LRRC75A: variants seen among roughly 807,000 people sequenced by gnomAD.
LRRC75A encodes leucine rich repeat containing 75A.
In LRRC75A, 12 loss-of-function variants were observed where a neutral mutation model predicts 26.0. The observed-to-expected ratio is 0.46, with a 90% CI of 0.30 to 0.75. The LOEUF (loss-of-function observed/expected upper bound fraction) is 0.75, where lower values mean the gene tolerates loss of function less well. Among genes scored for constraint, LRRC75A ranks in the 30% least tolerant of loss-of-function variants. The pLI, the probability that LRRC75A is intolerant of heterozygous loss-of-function variation, is 0.08. For missense variants in LRRC75A, 410 were observed against 486.6 expected (o/e 0.84, Z 1.48); for synonymous variants, 223 against 219.3 (o/e 1.02, Z -0.15).
At position 16,491,681 on chromosome 17, in the gene LRRC75A, G is replaced by GCCCCCCCCCCCCCCCCCCCC; in HGVS notation, c.246+63_246+64insGGGGGGGGGGGGGGGGGGGG. On this transcript the variant is annotated intron_variant, in intron 1 of 3. Transcript: ENST00000470794. The surrounding 1 kb of genome is among the most constrained non-coding windows in gnomAD (Gnocchi z 5.9). Reference sequence around the variant, plus strand: ...CGGCTTCCTCGGTTAGGGATGGGGCGCCCCCCCCGGCCCAGCACGCCCCCT... The same window carrying GCCCCCCCCCCCCCCCCCCCC: ...CGGCTTCCTCGGTTAGGGATGGGGCGCCCCCCCCCCCCCCCCCCCCCCCCCCCCGGCCCAGCACGCCCCCT... The GCCCCCCCCCCCCCCCCCCCC allele has an allele frequency of 8.7e-7, 1 of 1,151,278 alleles. No homozygotes were observed. Among genetic ancestry groups the GCCCCCCCCCCCCCCCCCCCC allele is most frequent in the Non-Finnish European group, 1.1e-6 (1 of 908,528 alleles). 71.3% of individuals were successfully genotyped at this position (1,151,278 alleles called of 1,614,324 possible). A position where few individuals can be genotyped will look rare whatever the true frequency, so the allele number is the denominator to read the frequency against.
intron 1 of LRRC75A, among the ~76,000 whole-genome samples, chr17:16,471,863 G>T (rs537179134): frequency 6.6e-6 from 1 of 152,144 alleles, no homozygotes; most frequent in African/African-American, 2.4e-5. Flanking sequence ...ATCATTCAAA[G>T]TACTCAAATT....
intron 1 of LRRC75A, among the ~76,000 whole-genome samples, chr17:16,487,076 G>A (rs1001025401): frequency 6.6e-6 from 1 of 152,194 alleles, no homozygotes; most frequent in Non-Finnish European, 1.5e-5. Flanking sequence ...AGGAACATCA[G>A]GGAAAAACTC....
In LRRC75A at chr17:16,492,180, ACCCGGGCGCGCTC is replaced by A; in HGVS notation, c.-203_-191del. 6.9e-6 allele frequency: 2 copies of A among 289,548 alleles called. No homozygotes were observed. The highest frequency in any genetic ancestry group is 1.0e-5 in the Non-Finnish European group (2 of 199,336). The allele number at this position is 289,548 out of a possible 1,614,324, so 17.9% of individuals were successfully genotyped here. A position where few individuals can be genotyped will look rare whatever the true frequency, so the allele number is the denominator to read the frequency against. On this transcript the variant is annotated 5_prime_UTR_variant, in exon 1 of 4. Transcript: ENST00000470794. ...CTCCCCGCGCTCCTCCCTCTTGGCT[ACCCGGGCGCGCTC>A]CCCGGGCGCTCGCCGCCGGCCCGCC... is the stretch of plus-strand genomic sequence containing the variant.
chr17:16,457,087 C>T (rs1341281859), intron 2 of LRRC75A, among the ~76,000 whole-genome samples: 3 of 151,242 alleles, frequency 2.0e-5, no homozygotes, highest in Non-Finnish European at 2.9e-5. Flanking sequence ...TACCAGCACC[C>T]GACACTGCTC....
intron 1 of LRRC75A, among the ~76,000 whole-genome samples, chr17:16,474,435 G>C (rs752390402): frequency 6.6e-6 from 1 of 152,172 alleles, no homozygotes; most frequent in Non-Finnish European, 1.5e-5. Flanking sequence ...GTATTTCCCA[G>C]ATTTATTTCC....
intron 1 of LRRC75A, chr17:16,470,331 A>G (rs546948526): frequency 9.2e-5 from 14 of 152,310 alleles, no homozygotes; most frequent in African/African-American, 3.1e-4. Context: ...GCAACAACAG[A>G]GCCGGGGAAA....
In LRRC75A at chr17:16,462,125, T is replaced by C. The variant is rs1045191927; in HGVS notation, c.375+133A>G. 11 of 1,179,496 alleles carry C rather than the reference T, an allele frequency of 9.3e-6. No individual in the cohort carries two copies. Among genetic ancestry groups the C allele is most frequent in the Non-Finnish European group, 1.3e-5 (11 of 849,334 alleles). The allele number at this position is 1,179,496 out of a possible 1,614,324, so 73.1% of individuals were successfully genotyped here. On this transcript the variant is annotated intron_variant, in intron 2 of 3. Coordinates refer to ENST00000470794, the MANE Select transcript of LRRC75A (RefSeq NM_001113567.3). The surrounding 1 kb of genome is among the most constrained non-coding windows in gnomAD (Gnocchi z 4.6). ...CACCAAGGGAGAGCACCTCAAGCTC[T>C]TGGTGCCTGGAGGACGGGCTTGTCC... is the stretch of plus-strand genomic sequence containing the variant.
chr17:16,466,127 T>G (rs936289812), intron 1 of LRRC75A, among the ~76,000 whole-genome samples: 1 of 152,226 alleles, frequency 6.6e-6, no homozygotes, highest in African/African-American at 2.4e-5. Context: ...CTTGGGCTAC[T>G]TCCTGCCTCC....
chr17:16,446,400 T>A (rs1206750994), intron 3 of LRRC75A, among the ~76,000 whole-genome samples: 1 of 152,004 alleles, frequency 6.6e-6, no homozygotes, highest in Non-Finnish European at 1.5e-5. Context: ...CAGGAGAAGG[T>A]AGCGTGTGGA....
At chr17:16,453,277 G>C (rs984539915) in intron 2 of LRRC75A, among the ~76,000 whole-genome samples, 2 of 151,670 alleles carry the variant, frequency 1.3e-5, no homozygotes, top group African/African-American at 4.8e-5. Flanking sequence ...CGCCAGAGTG[G>C]GACTGGTGTG....
At chr17:16,481,126 G>T (rs2093833004) in intron 1 of LRRC75A, among the ~76,000 whole-genome samples, 1 of 152,208 alleles carries the variant, frequency 6.6e-6, no homozygotes, top group African/African-American at 2.4e-5. Context: ...CAGGCCCCTT[G>T]GCCTTCTAAG....
Position 16,443,804 on chromosome 17 carries a change from G to A in LRRC75A, c.819C>T (p.Asp273=). 2.5e-6 allele frequency: 4 copies of A among 1,613,956 alleles called. No individual in the cohort carries two copies. Among genetic ancestry groups the A allele is most frequent in the Non-Finnish European group, 3.4e-6 (4 of 1,179,814 alleles). ...GGAAGGGCTGGGGCAAGGAGAAGAT[G>A]TCCACGTTGTTGCCCAGGTCAATCC... ...VTWIDLGNNV[D]IFSLPQPFLL... is the part of the protein sequence containing the mutation. Residue 273 remains aspartate (D), a synonymous_variant, in exon 4 of 4, where the codon GAC becomes GAT. Transcript: ENST00000470794.
chr17:16,467,947 T>G (rs939169172), intron 1 of LRRC75A, among the ~76,000 whole-genome samples: 10 of 152,166 alleles, frequency 6.6e-5, no homozygotes, highest in African/African-American at 2.2e-4. Flanking sequence ...CATCCCCCAC[T>G]TTCTCATTTC....
chr17:16,471,728 T>C (rs920351529), intron 1 of LRRC75A, among the ~76,000 whole-genome samples: 10 of 152,118 alleles, frequency 6.6e-5, no homozygotes, highest in African/African-American at 2.4e-4. Context: ...AAACAGGTGA[T>C]GAAGGAAATG....
intron 2 of LRRC75A, among the ~76,000 whole-genome samples, chr17:16,459,724 C>T (rs1338655284): frequency 1.3e-5 from 2 of 152,170 alleles, no homozygotes; most frequent in East Asian, 3.8e-4. Flanking sequence ...ATGAACTTCT[C>T]AGATGCAAAT....
In LRRC75A at chr17:16,443,978, C is replaced by T. The variant is rs773726413; in HGVS notation, c.645G>A (p.Thr215=). 2.5e-5 allele frequency: 40 copies of T among 1,613,616 alleles called. No homozygotes were observed. The highest frequency in any genetic ancestry group is 6.7e-5 in the African/African-American group (5 of 74,896). Residue 215 remains threonine, a synonymous_variant, in exon 4 of 4, where the codon ACG becomes ACA. Coordinates refer to ENST00000470794, the MANE Select transcript of LRRC75A (RefSeq NM_001113567.3). ...GCAGCAGCTGCAGGACCATGTCGTCCGTGAGGCCTGTGAAGCCCAGCTCCA... is the reference window on the plus strand; with the variant it reads ...GCAGCAGCTGCAGGACCATGTCGTCTGTGAGGCCTGTGAAGCCCAGCTCCA... The part of the protein sequence containing the change: ...DSVELGFTGL[T]DDMVLQLLPA...
At chr17:16,476,928 C>CG (rs1164748158) in intron 1 of LRRC75A, among the ~76,000 whole-genome samples, 2 of 151,274 alleles carry the variant, frequency 1.3e-5, no homozygotes, top group Admixed American at 6.6e-5. Context: ...TTAGTAGAGA[C>CG]GGGGTTTCAC....
chr17:16,447,836 G>A lies in LRRC75A; in HGVS notation c.491+9C>T, dbSNP rs1366158045. ...CTGGCATAGACCTGCCCGGGGGAGT[G>A]TAACTCACCAGGCCTGTGGCTTCCT... is the stretch of plus-strand genomic sequence containing the variant. On this transcript the variant is annotated intron_variant, in intron 3 of 3. Coordinates refer to ENST00000470794, the MANE Select transcript of LRRC75A (RefSeq NM_001113567.3). 1.3e-6 allele frequency: 2 copies of A among 1,531,062 alleles called. No homozygotes were observed. Among genetic ancestry groups the A allele is most frequent in the Non-Finnish European group, 1.8e-6 (2 of 1,134,082 alleles). 94.8% of individuals were successfully genotyped at this position (1,531,062 alleles called of 1,614,324 possible).
At chr17:16,487,845 T>C (rs531266620) in intron 1 of LRRC75A, among the ~76,000 whole-genome samples, 56 of 152,288 alleles carry the variant, frequency 3.7e-4, no homozygotes, top group Middle Eastern at 6.8e-3. Context: ...GCCCTAGCCA[T>C]ACCACTGGGA....
Sources: gnomAD v4.1 joint callset for allele counts (sites outside exome capture counted in the v4.1 genomes callset) on GRCh38, gnomAD v4.1.1 for gene constraint, Gnocchi (gnomAD v3.1) non-coding constraint, MANE v1.5 for transcripts, NCBI Gene and HGNC (gene_info 2026-07-23, HGNC 2026-07-21) for gene names.